ITPR2: variants seen among roughly 807,000 people sequenced by gnomAD.
The protein encoded by ITPR2 is inositol 1,4,5-trisphosphate receptor type 2.
A neutral mutation model predicts 317.1 loss-of-function variants in ITPR2; 207 were observed. That is an observed-to-expected ratio of 0.65 (90% CI 0.58 to 0.73). ITPR2 has a LOEUF of 0.73. Ranked by LOEUF, ITPR2 falls within the 30% of genes least tolerant of loss-of-function variation. ITPR2 has a pLI of 0.00. For missense variants in ITPR2, 2,613 were observed against 3,284.0 expected (o/e 0.80, Z 4.99); for synonymous variants, 1,156 against 1,149.1 (o/e 1.01, Z -0.12).
Position 26,475,407 on chromosome 12 carries a change from C to T in ITPR2, c.6231G>A (p.Met2077Ile), listed in dbSNP as rs748345394. The change falls in exon 45 of 57, where the codon ATG (methionine) becomes ATA (isoleucine). Residue 2077 changes from methionine (M) to isoleucine (I), a missense_variant. Coordinates refer to ENST00000381340, the MANE Select transcript of ITPR2 (RefSeq NM_002223.4). ...NMRPRELVDV[M>I]KNAYNQGLEC... ...CCAATCCTTGGTTATAGGCATTCTTCATCACATCCACCTATCCAAAAAAAA... is the reference window on the plus strand; with the variant it reads ...CCAATCCTTGGTTATAGGCATTCTTTATCACATCCACCTATCCAAAAAAAA... 4.3e-6 allele frequency: 7 copies of T among 1,612,330 alleles called. No individual in the cohort carries two copies. The South Asian group carries it at 7.7e-5, about 18-fold the overall frequency.
At chr12:26,723,254 T>G (rs933934405) in intron 4 of ITPR2, among the ~76,000 whole-genome samples, 1 of 152,070 alleles carries the variant, frequency 6.6e-6, no homozygotes, top group Non-Finnish European at 1.5e-5. Context: ...ACAATATAAG[T>G]AAGAAATTAT....
intron 1 of ITPR2, among the ~76,000 whole-genome samples, chr12:26,795,686 T>TA (rs1950423560): frequency 6.6e-6 from 1 of 152,136 alleles, no homozygotes; most frequent in Admixed American, 6.5e-5. Context: ...AAGCATATTA[T>TA]AAAAAGGGTG....
chr12:26,350,754 T>G (rs917136820), intron 55 of ITPR2, among the ~76,000 whole-genome samples: 1 of 151,094 alleles, frequency 6.6e-6, no homozygotes, highest in Non-Finnish European at 1.5e-5. Context: ...CAACTCTCCC[T>G]CTTAGAAACT....
Position 26,432,727 on chromosome 12 carries a change from A to C in ITPR2, c.6769+3494T>G, listed in dbSNP as rs912204834. 2.0e-5 allele frequency among the ~76,000 whole-genome samples: 3 copies of C among 151,528 alleles called. No homozygotes were observed. The East Asian group carries it at 5.8e-4, about 29-fold the overall frequency. ...TCCCACTATCAACATGAACTCCTGG[A>C]TTCTTATTTTATTCTATAGGAGATG... On this transcript the variant is annotated intron_variant, in intron 48 of 56. Transcript: ENST00000381340.
At chr12:26,778,980 G>A (rs541176855) in intron 2 of ITPR2, among the ~76,000 whole-genome samples, 7 of 152,238 alleles carry the variant, frequency 4.6e-5, no homozygotes, top group African/African-American at 1.7e-4. Context: ...CAACACATTC[G>A]TCATTTGGGT....
At chr12:26,778,404 A>G (rs1041002954) in intron 2 of ITPR2, among the ~76,000 whole-genome samples, 1 of 152,208 alleles carries the variant, frequency 6.6e-6, no homozygotes. Flanking sequence ...GGATTATCAT[A>G]AGCTTAACGA....
chr12:26,435,845 CA>C (rs1171191872), intron 48 of ITPR2, among the ~76,000 whole-genome samples: 1 of 151,826 alleles, frequency 6.6e-6, no homozygotes, highest in Non-Finnish European at 1.5e-5. Context: ...AGACAGAAAA[CA>C]AAGAGAGTAA....
intron 50 of ITPR2, among the ~76,000 whole-genome samples, chr12:26,418,225 T>C (rs1940783311): frequency 6.6e-6 from 1 of 152,166 alleles, no homozygotes; most frequent in African/African-American, 2.4e-5. Context: ...GGCAAATTCC[T>C]CAACAAAATG....
chr12:26,673,733 T>C (rs1472866465), intron 13 of ITPR2, among the ~76,000 whole-genome samples: 2 of 150,448 alleles, frequency 1.3e-5, no homozygotes, highest in Admixed American at 6.6e-5. Flanking sequence ...GGTATTCAAT[T>C]AGGAAAAGAG....
chr12:26,677,753 A>G (rs1189930653), intron 13 of ITPR2, among the ~76,000 whole-genome samples: 1 of 152,228 alleles, frequency 6.6e-6, no homozygotes, highest in Non-Finnish European at 1.5e-5. Flanking sequence ...AATCTGAATT[A>G]AAAAGATATG....
intron 9 of ITPR2, among the ~76,000 whole-genome samples, chr12:26,710,949 C>T (rs977714023): frequency 1.3e-5 from 2 of 152,156 alleles, no homozygotes; most frequent in African/African-American, 4.8e-5. Context: ...AGTAAAACAA[C>T]TGCAGAGTTT....
At chr12:26,516,763 A>C (rs1203798146) in intron 37 of ITPR2, among the ~76,000 whole-genome samples, 2 of 152,154 alleles carry the variant, frequency 1.3e-5, no homozygotes, top group African/African-American at 2.4e-5. Context: ...GAAATGAATA[A>C]ATAATTGGAA....
intron 55 of ITPR2, among the ~76,000 whole-genome samples, chr12:26,371,676 A>G (rs1939194095): frequency 6.6e-6 from 1 of 152,204 alleles, no homozygotes; most frequent in Admixed American, 6.5e-5. Context: ...AAGATCAGGA[A>G]GGCTGAGCCT....
At chr12:26,359,388 C>G (rs1399357390) in intron 55 of ITPR2, among the ~76,000 whole-genome samples, 1 of 152,216 alleles carries the variant, frequency 6.6e-6, no homozygotes, top group South Asian at 2.1e-4. Flanking sequence ...TACAGGGAAC[C>G]AAGAAAGCAG....
At chr12:26,430,608 G>A (rs1941180619) in intron 48 of ITPR2, among the ~76,000 whole-genome samples, 1 of 152,170 alleles carries the variant, frequency 6.6e-6, no homozygotes, top group African/African-American at 2.4e-5. Flanking sequence ...TTAATGGTGG[G>A]AAGGGAGGAG....
At chr12:26,718,512 T>C (rs1468909533) in intron 5 of ITPR2, among the ~76,000 whole-genome samples, 2 of 150,054 alleles carry the variant, frequency 1.3e-5, no homozygotes, top group Non-Finnish European at 3.0e-5. Context: ...ACTGTATATA[T>C]ATATAAGGTT....
At chr12:26,531,640 A>C (rs1401568736) in intron 37 of ITPR2, among the ~76,000 whole-genome samples, 7 of 139,492 alleles carry the variant, frequency 5.0e-5, no homozygotes, top group Non-Finnish European at 1.1e-4. Flanking sequence ...TCTAAGCTTC[A>C]TGTTTACTGT....
Position 26,631,853 on chromosome 12 carries a change from T to A in ITPR2, c.2934+13A>T, listed in dbSNP as rs781080430. The stretch of plus-strand genomic sequence containing the variant: ...TTACATCTTTGTCACCTAGCTTCTG[T>A]TAGGCAACACACCTGCAAAATCTCA... On this transcript the variant is annotated intron_variant, in intron 22 of 56. Transcript: ENST00000381340. The A allele has an allele frequency of 9.3e-6, 15 of 1,610,996 alleles. No individual in the cohort carries two copies.
chr12:26,491,044 G>A (rs1430772649), intron 39 of ITPR2, among the ~76,000 whole-genome samples: 2 of 152,206 alleles, frequency 1.3e-5, no homozygotes, highest in African/African-American at 4.8e-5. Flanking sequence ...TGCATAAGAG[G>A]AAGGATGGAG....
Sources: gnomAD v4.1 joint callset for allele counts (sites outside exome capture counted in the v4.1 genomes callset) on GRCh38, gnomAD v4.1.1 for gene constraint, MANE v1.5 for transcripts, NCBI Gene and HGNC (gene_info 2026-07-23, HGNC 2026-07-21) for gene names.